GIGYF1: variants seen among roughly 807,000 people sequenced by gnomAD.
The protein encoded by GIGYF1 is GRB10-interacting GYF protein 1.
A neutral mutation model predicts 147.1 loss-of-function variants in GIGYF1; 84 were observed. The ratio of observed to expected loss-of-function variants is 0.57; its 90% CI spans 0.48 to 0.68. The LOEUF (loss-of-function observed/expected upper bound fraction) is 0.68. GIGYF1 is among the 30% of genes least tolerant of loss of function. The pLI, the probability that GIGYF1 is intolerant of heterozygous loss-of-function variation, is 0.00. For missense variants in GIGYF1, 1,485 were observed against 1,393.7 expected (o/e 1.07, Z -1.04); for synonymous variants, 752 against 589.5 (o/e 1.28, Z -3.99).
At position 100,687,394 on chromosome 7, in the gene GIGYF1, C is replaced by A. The variant is rs572851846; in HGVS notation, c.386G>T (p.Gly129Val). 9.3e-6 allele frequency: 15 copies of A among 1,613,264 alleles called. No individual in the cohort carries two copies. The highest frequency in any genetic ancestry group is 1.2e-5 in the Non-Finnish European group (14 of 1,179,986). Residue 129 changes from glycine (G) to valine (V), a missense_variant, in exon 8 of 27, where the codon GGT (glycine) becomes GTT (valine). Gly to Val is a moderately radical substitution (Grantham distance 109, BLOSUM62 -3). Coordinates refer to ENST00000678049, the MANE Select transcript of GIGYF1 (RefSeq NM_001375765.1). ...GCTTCTTTGGTAAAAGCAGCTGTCA[C>A]CACGGCCGCGGCCTAGAGAAGAGGC... ...GSTRSRGRGR[G>V]DSCFYQRSIE...
In GIGYF1 at chr7:100,681,686, G is replaced by A; in HGVS notation, c.*33C>T. 1.3e-6 allele frequency: 2 copies of A among 1,519,098 alleles called. No homozygotes were observed. The highest frequency in any genetic ancestry group is 1.8e-6 in the Non-Finnish European group (2 of 1,134,444). The allele number at this position is 1,519,098 out of a possible 1,614,324, so 94.1% of individuals were successfully genotyped here. On this transcript the variant is annotated 3_prime_UTR_variant, in exon 27 of 27. Coordinates refer to ENST00000678049, the MANE Select transcript of GIGYF1 (RefSeq NM_001375765.1). ...GGTCCACGCCGCTGTGGCTGCCCTGGCCTACAGCCCAGGGGCTGGGGGTCC... is the reference window on the plus strand; with the variant it reads ...GGTCCACGCCGCTGTGGCTGCCCTGACCTACAGCCCAGGGGCTGGGGGTCC...
rs1804943366 is a variant in GIGYF1, at chr7:100,683,055, G to T, written c.2369C>A (p.Pro790Gln). The change falls in exon 22 of 27, where the codon CCA becomes CAA. Residue 790 changes from proline (P) to glutamine (Q), a missense_variant. Pro to Gln is a moderately conservative substitution (Grantham distance 76). Transcript: ENST00000678049. ...CTGGGCCCGAGCTGGCTCCCGAGGTGGGGGCTGTTTGTGCAGCTGCCGCTC... is the reference window on the plus strand; with the variant it reads ...CTGGGCCCGAGCTGGCTCCCGAGGTTGGGGCTGTTTGTGCAGCTGCCGCTC... ...EGERQLHKQPPPREPARAQAP... is the reference protein window; with the variant it reads ...EGERQLHKQPQPREPARAQAP... 6.3e-7 allele frequency: 1 copy of T among 1,574,982 alleles called. No homozygotes were observed. The highest frequency in any genetic ancestry group is 8.6e-7 in the Non-Finnish European group (1 of 1,166,758).
At position 100,686,065 on chromosome 7, in the gene GIGYF1, C is replaced by A; in HGVS notation, c.963G>T (p.Glu321Asp). The change falls in exon 12 of 27, where the codon GAG becomes GAT. Residue 321 changes from glutamate (E) to aspartate (D), a missense_variant. By Grantham distance (45) the Glu-to-Asp change is conservative (BLOSUM62 2). Transcript: ENST00000678049. ...CCAGCTCCTGCTCCTCAGGAATGGG[C>A]TCCTTGGGGCCCTTCTGCATGGGGC... Reference protein sequence around the residue: ...AFLPLKKGPKEPIPEEQELDF... With the variant: ...AFLPLKKGPKDPIPEEQELDF... 1 of 1,612,430 alleles carries A rather than the reference C, an allele frequency of 6.2e-7. No homozygotes were observed. The highest frequency in any genetic ancestry group is 8.5e-7 in the Non-Finnish European group (1 of 1,179,888).
chr7:100,682,457 G>C lies in GIGYF1; in HGVS notation c.2626C>G (p.Arg876Gly). 6.2e-7 allele frequency: 1 copy of C among 1,612,934 alleles called. No individual in the cohort carries two copies. The highest frequency in any genetic ancestry group is 1.7e-4 in the Middle Eastern group (1 of 6,060). Reference protein sequence around the residue: ...LSDSYSHLSGRPIRKKTEEEE... With the variant: ...LSDSYSHLSGGPIRKKTEEEE... ...TCCTCCGTCTTTTTGCGAATGGGCC[G>C]ACCCGATAGGTGGCTGTATGAGTCA... is the stretch of plus-strand genomic sequence containing the variant. Residue 876 changes from arginine to glycine, a missense_variant, in exon 24 of 27, where the codon CGG becomes GGG. Arg to Gly is a moderately radical substitution (Grantham distance 125). Coordinates refer to ENST00000678049, the MANE Select transcript of GIGYF1 (RefSeq NM_001375765.1).
rs1202794250 is a variant in GIGYF1, at chr7:100,686,729, T to C, written c.614A>G (p.Gln205Arg). 6.2e-7 allele frequency: 1 copy of C among 1,613,768 alleles called. No individual in the cohort carries two copies. Among genetic ancestry groups the C allele is most frequent in the Admixed American group, 1.7e-5 (1 of 60,024 alleles). Residue 205 changes from glutamine to arginine, a missense_variant, in exon 10 of 27, where the codon CAG becomes CGG. Coordinates refer to ENST00000678049, the MANE Select transcript of GIGYF1 (RefSeq NM_001375765.1). Reference protein sequence around the residue: ...SENWRSLREEQEEEEEGSWRL... With the variant: ...SENWRSLREEREEEEEGSWRL... ...CCAGCTGCCCTCCTCCTCCTCCTCC[T>C]GTTCCTCCCGTAGGGAGCGCCAGTT... is the stretch of plus-strand genomic sequence containing the variant.
At chr7:100,690,839 G>A (rs907269348) in intron 1 of GIGYF1, among the ~76,000 whole-genome samples, 7 of 150,732 alleles carry the variant, frequency 4.6e-5, no homozygotes, top group Admixed American at 6.6e-5. Flanking sequence ...CCTGCCAGGC[G>A]CAGCAAGGGC....
chr7:100,682,756 C>T lies in GIGYF1; in HGVS notation c.2434G>A (p.Ala812Thr). 1 of 1,534,560 alleles carries T rather than the reference C, an allele frequency of 6.5e-7. No homozygotes were observed. Among genetic ancestry groups the T allele is most frequent in the South Asian group, 1.3e-5 (1 of 78,432 alleles). Residue 812 changes from alanine to threonine, a missense_variant, in exon 23 of 27, where the codon GCC becomes ACC. Ala to Thr is a moderately conservative substitution (Grantham distance 58). Transcript: ENST00000678049. The part of the protein sequence containing the change: ...HRVQLGGLGT[A>T]PLNQWVSEAG... ...TCAGACACCCACTGGTTCAGGGGGG[C>T]AGTGCCCAGGCCCCCAAGCTGCTAC...
chr7:100,682,058 G>T lies in GIGYF1; in HGVS notation c.2925+14C>A. On this transcript the variant is annotated intron_variant, in intron 25 of 26. Transcript: ENST00000678049. The stretch of plus-strand genomic sequence containing the variant: ...AGGCAAGCCCACCCCAGCTGCTGGT[G>T]CCGGCTGCCTCACCTGCTGCTGCTG... 6.2e-7 allele frequency: 1 copy of T among 1,611,934 alleles called. No homozygotes were observed. Among genetic ancestry groups the T allele is most frequent in the Non-Finnish European group, 8.5e-7 (1 of 1,179,596 alleles).
intron 8 of GIGYF1, 68 bp from the exon 9 acceptor site, chr7:100,687,114 A>G: frequency 4.4e-6 from 7 of 1,597,868 alleles, no homozygotes; most frequent in Non-Finnish European, 6.0e-6. Flanking sequence ...CAACCGCCCC[A>G]TGCCTTGTCC....
Position 100,687,593 on chromosome 7 carries a change from G to C in GIGYF1, c.285C>G (p.Asn95Lys). 1 of 1,612,234 alleles carries C rather than the reference G, an allele frequency of 6.2e-7. No homozygotes were observed. The highest frequency in any genetic ancestry group is 8.5e-7 in the Non-Finnish European group (1 of 1,179,690). ...EEQRNFSLSV[N>K]SVAVLRLMGK... is the part of the protein sequence containing the mutation. ...CCATCAGCCTCAGCACAGCCACGCT[G>C]TTCACTGACAGGGAGAAGTTTCTCT... is the stretch of plus-strand genomic sequence containing the variant. The change falls in exon 7 of 27, where the codon AAC becomes AAG. Residue 95 changes from asparagine (N) to lysine (K), a missense_variant. By Grantham distance (94) the Asn-to-Lys change is moderately conservative. Coordinates refer to ENST00000678049, the MANE Select transcript of GIGYF1 (RefSeq NM_001375765.1).
In GIGYF1 at chr7:100,687,057, G is replaced by T; in HGVS notation, c.483-11C>A. On this transcript the variant is annotated splice_polypyrimidine_tract_variant and intron_variant, in intron 8 of 26. Coordinates refer to ENST00000678049, the MANE Select transcript of GIGYF1 (RefSeq NM_001375765.1). ...AACCGCCTCTCGCCTCTGCAGCAGG[G>T]GAAACGTGTGGGTCAGAAACAGTAC... 6.2e-7 allele frequency: 1 copy of T among 1,613,852 alleles called. No individual in the cohort carries two copies. The highest frequency in any genetic ancestry group is 8.5e-7 in the Non-Finnish European group (1 of 1,180,026).
In GIGYF1 at chr7:100,682,193, T is replaced by C. The variant is rs1469202420; in HGVS notation, c.2804A>G (p.Tyr935Cys). 4 of 1,613,590 alleles carry C rather than the reference T, an allele frequency of 2.5e-6. No individual in the cohort carries two copies. Among genetic ancestry groups the C allele is most frequent in the South Asian group, 1.1e-5 (1 of 91,090 alleles). ...VAILKEVESP[Y>C]DVHDYIRSCL... ...GGAACGGATATAATCGTGGACATCA[T>C]AGGGGGATTCCACCTCCTTGAGGAT... The change falls in exon 25 of 27, where the codon TAT (tyrosine) becomes TGT (cysteine). Residue 935 changes from tyrosine to cysteine, a missense_variant. Transcript: ENST00000678049.
chr7:100,679,890 AAG>A lies in GIGYF1; in HGVS notation c.*1827_*1828del, dbSNP rs1804562694. ...TCTTTAGCTGGGGAGAAGAGACAGG[AAG>A]AGTGTCCCCCTTCCCCTGCATTGGC... On this transcript the variant is annotated 3_prime_UTR_variant, in exon 27 of 27. Coordinates refer to ENST00000678049, the MANE Select transcript of GIGYF1 (RefSeq NM_001375765.1). The A allele has an allele frequency of 1.3e-5, 2 of 152,560 alleles. No homozygotes were observed. The highest frequency in any genetic ancestry group is 2.1e-4 in the South Asian group (1 of 4,828). 9.5% of individuals were successfully genotyped at this position (152,560 alleles called of 1,614,324 possible). A position where few individuals can be genotyped will look rare whatever the true frequency, so the allele number is the denominator to read the frequency against.
chr7:100,681,639 G>C lies in GIGYF1; in HGVS notation c.*80C>G, dbSNP rs958999790. The C allele has an allele frequency of 2.9e-6, 4 of 1,358,176 alleles. No individual in the cohort carries two copies. In the East Asian group the frequency reaches 9.5e-5, roughly 32 times the overall value. The allele number at this position is 1,358,176 out of a possible 1,614,324, so 84.1% of individuals were successfully genotyped here. On this transcript the variant is annotated 3_prime_UTR_variant, in exon 27 of 27. Coordinates refer to ENST00000678049, the MANE Select transcript of GIGYF1 (RefSeq NM_001375765.1). ...TGCCTCTTCCTGTGCTCTCTGCGGGGAGCCTGCAGGCTGGGACCCTCGGTC... is the reference window on the plus strand; with the variant it reads ...TGCCTCTTCCTGTGCTCTCTGCGGGCAGCCTGCAGGCTGGGACCCTCGGTC...
intron 23 of GIGYF1, 46 bp from the exon 24 acceptor site, chr7:100,682,528 T>G (rs1562869573): frequency 1.9e-6 from 3 of 1,599,374 alleles, no homozygotes; most frequent in African/African-American, 1.3e-5. Context: ...CTGGCAGGGG[T>G]TGGGGGGGTC....
chr7:100,693,171 G>A lies in GIGYF1; in HGVS notation c.-1099+939C>T, dbSNP rs182190081. Reference sequence around the variant, plus strand: ...TCCAATCCAGCTAACAAGTCTTTATGTAGCATCTCCTAGTTCCTAGCACTA... The same window carrying A: ...TCCAATCCAGCTAACAAGTCTTTATATAGCATCTCCTAGTTCCTAGCACTA... On this transcript the variant is annotated intron_variant, in intron 1 of 26. Transcript: ENST00000678049. Among the ~76,000 whole-genome samples the A allele has an allele frequency of 5.0e-4, 76 of 152,292 alleles. 1 individual carries two copies. Among genetic ancestry groups the A allele is most frequent in the Admixed American group, 6.5e-5 (1 of 15,294 alleles).
Position 100,681,448 on chromosome 7 carries a change from T to G in GIGYF1, c.*271A>C. ...TCACAGCAGGAAGGGGTGTTTAGAG[T>G]CTAGTTTTTAACAATATTTTTGCCT... On this transcript the variant is annotated 3_prime_UTR_variant, in exon 27 of 27. Coordinates refer to ENST00000678049, the MANE Select transcript of GIGYF1 (RefSeq NM_001375765.1). 2.9e-6 allele frequency: 1 copy of G among 348,596 alleles called. No homozygotes were observed. 21.6% of individuals were successfully genotyped at this position (348,596 alleles called of 1,614,324 possible).
chr7:100,681,674 G>A lies in GIGYF1; in HGVS notation c.*45C>T. The A allele has an allele frequency of 6.6e-7, 1 of 1,508,948 alleles. No individual in the cohort carries two copies. 93.5% of individuals were successfully genotyped at this position (1,508,948 alleles called of 1,614,324 possible). A position where few individuals can be genotyped will look rare whatever the true frequency, so the allele number is the denominator to read the frequency against. On this transcript the variant is annotated 3_prime_UTR_variant, in exon 27 of 27. Transcript: ENST00000678049. ...GCTGGGACCCTCGGTCCACGCCGCT[G>A]TGGCTGCCCTGGCCTACAGCCCAGG...
In GIGYF1 at chr7:100,682,751, G is replaced by A. The variant is rs1804908765; in HGVS notation, c.2439C>T (p.Pro813=). 1.3e-6 allele frequency: 2 copies of A among 1,539,930 alleles called. No individual in the cohort carries two copies. The highest frequency in any genetic ancestry group is 4.5e-5 in the East Asian group (2 of 44,218). ...RVQLGGLGTA[P]LNQWVSEAGP... ...CAGCCTCAGACACCCACTGGTTCAGGGGGGCAGTGCCCAGGCCCCCAAGCT... is the reference window on the plus strand; with the variant it reads ...CAGCCTCAGACACCCACTGGTTCAGAGGGGCAGTGCCCAGGCCCCCAAGCT... The change falls in exon 23 of 27, where the codon CCC becomes CCT. Residue 813 remains proline (P), a synonymous_variant. Coordinates refer to ENST00000678049, the MANE Select transcript of GIGYF1 (RefSeq NM_001375765.1).
Sources: allele counts gnomAD v4.1 joint callset (sites outside exome capture counted in the v4.1 genomes callset), GRCh38; gene constraint gnomAD v4.1.1; transcripts MANE v1.5; gene names NCBI Gene and HGNC (gene_info 2026-07-23, HGNC 2026-07-21).